CORO1C: variants seen among roughly 807,000 people sequenced by gnomAD.
CORO1C encodes the protein coronin-1C.
Under a neutral mutation model 51.2 loss-of-function variants are expected in CORO1C, and 14 were observed. That is an observed-to-expected ratio of 0.27 (90% CI 0.18 to 0.43). The LOEUF (loss-of-function observed/expected upper bound fraction) is 0.43. Among genes scored for constraint, CORO1C ranks in the 20% least tolerant of loss-of-function variants. CORO1C has a pLI of 1.00. For synonymous variants in CORO1C, 181 were observed against 210.5 expected, an observed-to-expected ratio of 0.86 and a Z score of 1.21; for missense variants, 417 against 607.8, an observed-to-expected ratio of 0.69 and a Z score of 3.30.
chr12:108,688,461 T>C (rs1314720681), intron 2 of CORO1C, among the ~76,000 whole-genome samples: 1 of 152,190 alleles, frequency 6.6e-6, no homozygotes, highest in Non-Finnish European at 1.5e-5. Flanking sequence ...CTCTCGAAAT[T>C]CAACATTGGG....
chr12:108,657,482 GA>G, intron 5 of CORO1C, 59 bp from the exon 6 acceptor site: 1 of 1,584,240 alleles, frequency 6.3e-7, no homozygotes, highest in Non-Finnish European at 8.6e-7. Context: ...GGTGAGTGGA[GA>G]AACTCGGGCA....
intron 1 of CORO1C, among the ~76,000 whole-genome samples, chr12:108,727,079 T>A (rs1270548793): frequency 1.3e-5 from 2 of 152,202 alleles, no homozygotes; most frequent in African/African-American, 2.4e-5. Context: ...CAATAAACAA[T>A]CATTCATTCA....
chr12:108,674,187 C>T (rs1188970641), intron 3 of CORO1C, among the ~76,000 whole-genome samples: 2 of 152,190 alleles, frequency 1.3e-5, no homozygotes, highest in Admixed American at 1.3e-4. Context: ...ACTTTCAAAT[C>T]TTATTATTTA....
chr12:108,662,558 A>G (rs372691729), intron 3 of CORO1C, among the ~76,000 whole-genome samples: 2 of 152,256 alleles, frequency 1.3e-5, no homozygotes, highest in African/African-American at 4.8e-5. Context: ...TTTATTTAAT[A>G]TTATTTGGGA....
chr12:108,711,023 G>A (rs532306211), intron 1 of CORO1C, among the ~76,000 whole-genome samples: 3 of 152,070 alleles, frequency 2.0e-5, no homozygotes, highest in Non-Finnish European at 2.9e-5. Context: ...CTCTAGGAGA[G>A]TGTAAAGGCA....
chr12:108,681,688 C>G (rs1489149173), intron 2 of CORO1C, among the ~76,000 whole-genome samples: 4 of 152,034 alleles, frequency 2.6e-5, no homozygotes, highest in Non-Finnish European at 5.9e-5. Flanking sequence ...ATGGGTAAAC[C>G]CTTGTTCAAA....
At chr12:108,692,701 AGAAT>A (rs2136853653) in intron 2 of CORO1C, among the ~76,000 whole-genome samples, 1 of 152,334 alleles carries the variant, frequency 6.6e-6, no homozygotes, top group South Asian at 2.1e-4. Flanking sequence ...CTGAGCTGAC[AGAAT>A]GAAAGCCCTG....
intron 7 of CORO1C, among the ~76,000 whole-genome samples, chr12:108,653,864 C>T (rs889520473): frequency 6.6e-6 from 1 of 152,190 alleles, no homozygotes; most frequent in Non-Finnish European, 1.5e-5. Context: ...GTGTGTGGTA[C>T]TAAGTATACA....
intron 3 of CORO1C, among the ~76,000 whole-genome samples, chr12:108,677,314 G>A (rs2033942666): frequency 2.6e-5 from 4 of 152,146 alleles, no homozygotes; most frequent in Admixed American, 2.6e-4. Context: ...CATAACTAAG[G>A]ACAAGAAATC....
At chr12:108,699,937 C>T (rs17040895) in intron 2 of CORO1C, among the ~76,000 whole-genome samples, 10,867 of 152,170 alleles carry the variant, frequency 0.071, 610 homozygotes, top group East Asian at 0.32. Context: ...AAGTAAAAAT[C>T]AGATGTTATA....
At chr12:108,715,014 C>T (rs2035288421) in intron 1 of CORO1C, among the ~76,000 whole-genome samples, 1 of 152,074 alleles carries the variant, frequency 6.6e-6, no homozygotes, top group South Asian at 2.1e-4. Flanking sequence ...TCAAGTCTGA[C>T]AAGAAGTAAA....
At chr12:108,686,084 C>A (rs1383880177) in intron 2 of CORO1C, among the ~76,000 whole-genome samples, 1 of 152,232 alleles carries the variant, frequency 6.6e-6, no homozygotes, top group Admixed American at 6.5e-5. Flanking sequence ...GGAAACCATA[C>A]TAATAACGGC....
rs1387876834 is a variant in CORO1C at position 108,648,650 on chromosome 12, G to A, written c.1260C>T (p.Cys420=). 8 of 1,614,158 alleles carry A rather than the reference G, an allele frequency of 5.0e-6. No homozygotes were observed. The highest frequency in any genetic ancestry group is 2.2e-5 in the South Asian group (2 of 91,080). The change falls in exon 10 of 11, where the codon TGC becomes TGT. Residue 420 remains cysteine (C), a synonymous_variant. Transcript: ENST00000261401. Reference sequence around the variant, plus strand: ...TTTTCTTGGGGATGCTGATCAGGTCGCACTTCTTGTTTGCAGTGGGCTTGC... The same window carrying A: ...TTTTCTTGGGGATGCTGATCAGGTCACACTTCTTGTTTGCAGTGGGCTTGC... The part of the protein sequence containing the change: ...LDSKPTANKK[C]DLISIPKKTT...
At chr12:108,698,741 C>G (rs1188344599) in intron 2 of CORO1C, among the ~76,000 whole-genome samples, 1 of 152,220 alleles carries the variant, frequency 6.6e-6, no homozygotes, top group Non-Finnish European at 1.5e-5. Flanking sequence ...GCTTATGTTA[C>G]AGAGAGAGAA....
Position 108,652,055 on chromosome 12 carries a change from CTTTTTTT to C in CORO1C, c.1001+210_1001+216del, listed in dbSNP as rs202228272. On this transcript the variant is annotated intron_variant, in intron 8 of 10. Coordinates refer to ENST00000261401, the MANE Select transcript of CORO1C (RefSeq NM_014325.4). The stretch of plus-strand genomic sequence containing the variant: ...AAAAAAAGTGAGATTTTTTTCTTTT[CTTTTTTT>C]TTTTTTTTTGAGATTTTTTTCTAAT... The C allele has an allele frequency of 2.9e-5, 4 of 139,544 alleles. 1 individual carries two copies. The highest frequency in any genetic ancestry group is 3.8e-5 in the Non-Finnish European group (3 of 78,170). The allele number at this position is 139,544 out of a possible 1,614,324, so 8.6% of individuals were successfully genotyped here. A position where few individuals can be genotyped will look rare whatever the true frequency, so the allele number is the denominator to read the frequency against.
intron 3 of CORO1C, among the ~76,000 whole-genome samples, chr12:108,665,566 TAG>T (rs1184739585): frequency 8.3e-6 from 1 of 120,122 alleles, no homozygotes; most frequent in Non-Finnish European, 1.7e-5. Flanking sequence ...TACAGACAGT[TAG>T]AGAGTGAGCA....
intron 10 of CORO1C, among the ~76,000 whole-genome samples, chr12:108,648,053 G>A (rs1264981869): frequency 6.6e-6 from 1 of 152,096 alleles, no homozygotes; most frequent in South Asian, 2.1e-4. Context: ...TCCAGTGGCC[G>A]CAGCGAGTCA....
chr12:108,723,318 T>C (rs769654931), intron 1 of CORO1C, among the ~76,000 whole-genome samples: 3 of 152,186 alleles, frequency 2.0e-5, no homozygotes, highest in Non-Finnish European at 4.4e-5. Context: ...TGAAAGGAAT[T>C]AGAATCTTTA....
rs754024191 is a variant in CORO1C, at chr12:108,648,809, C to T, written c.1101G>A (p.Gly367=). The change falls in exon 10 of 11, where the codon GGG becomes GGA. Residue 367 remains glycine (G), a synonymous_variant. Coordinates refer to ENST00000261401, the MANE Select transcript of CORO1C (RefSeq NM_014325.4). ...FQDDLYPDTA[G]PEAALEAEEW... ...CTTCTGCCTCCAGCGCGGCCTCTGG[C>T]CCCGCTGTGTCAGGATACAGGTCAT... 5 of 1,614,238 alleles carry T rather than the reference C, an allele frequency of 3.1e-6. No homozygotes were observed. The South Asian group carries it at 3.3e-5, about 11-fold the overall frequency.
Sources: allele counts gnomAD v4.1 joint callset (sites outside exome capture counted in the v4.1 genomes callset), GRCh38; gene constraint gnomAD v4.1.1; transcripts MANE v1.5; gene names NCBI Gene and HGNC (gene_info 2026-07-23, HGNC 2026-07-21).